The following RALYL variants were observed in gnomAD, a reference collection of about 807,000 sequenced individuals.
RALYL encodes RALY RNA binding protein like.
RALYL carries 29 observed loss-of-function variants against 35.1 expected under a neutral mutation model. That is an observed-to-expected ratio of 0.83 (90% CI 0.61 to 1.13). The LOEUF is 1.13. Among genes scored for constraint, RALYL ranks in the 50% most tolerant of loss-of-function variants. RALYL has a pLI of 0.00. For missense variants in RALYL, 359 were observed against 360.4 expected (o/e 1.00, Z 0.03); for synonymous variants, 120 against 127.6 (o/e 0.94, Z 0.40).
At chr8:84,662,801 G>A (rs1488168473) in intron 2 of RALYL, among the ~76,000 whole-genome samples, 3 of 152,006 alleles carry the variant, frequency 2.0e-5, no homozygotes, top group Non-Finnish European at 4.4e-5. Context: ...GTATAAAAAT[G>A]CATATATAAT....
intron 4 of RALYL, among the ~76,000 whole-genome samples, chr8:84,821,580 G>C (rs1828543721): frequency 6.6e-6 from 1 of 152,156 alleles, no homozygotes; most frequent in Non-Finnish European, 1.5e-5. Flanking sequence ...CAGTTTTAAA[G>C]CCTCACTTCC....
chr8:84,276,757 G>T (rs1398803281), intron 1 of RALYL, among the ~76,000 whole-genome samples: 1 of 152,150 alleles, frequency 6.6e-6, no homozygotes, highest in Non-Finnish European at 1.5e-5. Flanking sequence ...GACTAAATTT[G>T]GAATTGCTCT....
intron 2 of RALYL, among the ~76,000 whole-genome samples, chr8:84,537,906 C>T (rs544455356): frequency 1.3e-5 from 2 of 152,200 alleles, no homozygotes; most frequent in African/African-American, 2.4e-5. Flanking sequence ...ATTCTACTTC[C>T]AAGGTTTGTA....
At chr8:84,847,251 G>A (rs535457127) in intron 4 of RALYL, among the ~76,000 whole-genome samples, 57 of 152,284 alleles carry the variant, frequency 3.7e-4, no homozygotes, top group African/African-American at 1.2e-3. Flanking sequence ...ATCTCTTATA[G>A]CTAGGATCCC....
intron 2 of RALYL, among the ~76,000 whole-genome samples, chr8:84,556,876 CAG>C: frequency 6.6e-6 from 1 of 152,234 alleles, no homozygotes; most frequent in African/African-American, 2.4e-5. Flanking sequence ...AAGCCTGAAA[CAG>C]AGACTCAGCA....
At chr8:84,586,512 T>A (rs1210744282) in intron 2 of RALYL, among the ~76,000 whole-genome samples, 1 of 152,234 alleles carries the variant, frequency 6.6e-6, no homozygotes, top group Non-Finnish European at 1.5e-5. Flanking sequence ...TACTTGGATC[T>A]ATGTAATAGA....
chr8:84,571,735 T>C (rs1364318588), intron 2 of RALYL, among the ~76,000 whole-genome samples: 1 of 151,828 alleles, frequency 6.6e-6, no homozygotes, highest in Non-Finnish European at 1.5e-5. Context: ...CTCTTTTTTA[T>C]GTAGGCAGTT....
intron 1 of RALYL, among the ~76,000 whole-genome samples, chr8:84,377,919 A>G (rs1448732456): frequency 4.0e-5 from 6 of 151,856 alleles, no homozygotes; most frequent in Non-Finnish European, 8.8e-5. Context: ...TGAAGAAGTA[A>G]ATAATAGATT....
At chr8:84,499,703 G>A (rs2056459550) in intron 1 of RALYL, among the ~76,000 whole-genome samples, 1 of 151,962 alleles carries the variant, frequency 6.6e-6, no homozygotes, top group Non-Finnish European at 1.5e-5. Flanking sequence ...GCATTTCTTG[G>A]TGGGAATGGG....
chr8:84,515,979 C>A (rs2058027875), intron 1 of RALYL, among the ~76,000 whole-genome samples: 1 of 143,786 alleles, frequency 7.0e-6, no homozygotes, highest in African/African-American at 2.6e-5. Context: ...AGAATATATT[C>A]CAGATGCTAT....
chr8:84,886,971 G>T (rs1301500405), intron 7 of RALYL, among the ~76,000 whole-genome samples: 1 of 152,150 alleles, frequency 6.6e-6, no homozygotes, highest in African/African-American at 2.4e-5. Flanking sequence ...AGGTGATGAA[G>T]CTCAACTTTG....
chr8:84,290,590 AG>A (rs1838587688), intron 1 of RALYL, among the ~76,000 whole-genome samples: 1 of 152,154 alleles, frequency 6.6e-6, no homozygotes, highest in African/African-American at 2.4e-5. Context: ...AGTTAAGGCA[AG>A]GACCGCCCAT....
intron 2 of RALYL, among the ~76,000 whole-genome samples, chr8:84,669,498 C>CT (rs1832803015): frequency 9.8e-6 from 1 of 102,350 alleles, no homozygotes. Context: ...CCCCCCCCCC[C>CT]CACTCTATTA....
At chr8:84,890,208 G>T (rs1843587350) in intron 8 of RALYL, among the ~76,000 whole-genome samples, 1 of 152,114 alleles carries the variant, frequency 6.6e-6, no homozygotes, top group African/African-American at 2.4e-5. Context: ...CCCCAATGCT[G>T]AAAGGAAAGG....
At chr8:84,376,805 G>C (rs111581759) in intron 1 of RALYL, among the ~76,000 whole-genome samples, 4,466 of 151,786 alleles carry the variant, frequency 0.029, 205 homozygotes, top group African/African-American at 0.1. Flanking sequence ...TTCTGACCTT[G>C]GGGGTCAGCT....
intron 1 of RALYL, among the ~76,000 whole-genome samples, chr8:84,222,780 G>A (rs1337866906): frequency 2.6e-5 from 4 of 152,150 alleles, no homozygotes; most frequent in Non-Finnish European, 5.9e-5. Context: ...TATGTAACAA[G>A]CAGAGGTGAA....
At chr8:84,561,498 T>TA (rs1338726037) in intron 2 of RALYL, among the ~76,000 whole-genome samples, 1 of 150,786 alleles carries the variant, frequency 6.6e-6, no homozygotes, top group Non-Finnish European at 1.5e-5. Flanking sequence ...GCCGTATGCA[T>TA]ACTATGTTTT....
chr8:84,507,082 G>A (rs2057232194), intron 1 of RALYL, among the ~76,000 whole-genome samples: 1 of 151,992 alleles, frequency 6.6e-6, no homozygotes, highest in East Asian at 1.9e-4. Flanking sequence ...ATTGACAATA[G>A]TAGAGTTTTT....
intron 1 of RALYL, among the ~76,000 whole-genome samples, chr8:84,302,797 T>G (rs970552486): frequency 6.6e-6 from 1 of 152,218 alleles, no homozygotes; most frequent in Non-Finnish European, 1.5e-5. Flanking sequence ...GTCTTTCAAG[T>G]ACCTTTCTGT....
Sources: gnomAD v4.1 joint callset for allele counts (sites outside exome capture counted in the v4.1 genomes callset) on GRCh38, gnomAD v4.1.1 for gene constraint, MANE v1.5 for transcripts, NCBI Gene and HGNC (gene_info 2026-07-23, HGNC 2026-07-21) for gene names.